AGRN: variants seen among roughly 807,000 people sequenced by gnomAD.
The protein encoded by AGRN is agrin proteoglycan.
A neutral mutation model predicts 211.0 loss-of-function variants in AGRN; 106 were observed. The ratio of observed to expected loss-of-function variants is 0.50; its 90% CI spans 0.43 to 0.59. The LOEUF (loss-of-function observed/expected upper bound fraction) is 0.59, where lower values mean the gene tolerates loss of function less well. Ranked by LOEUF, AGRN falls within the 20% of genes least tolerant of loss-of-function variation. The pLI, the probability that AGRN is intolerant of heterozygous loss-of-function variation, is 0.00. For missense variants in AGRN, 3,040 were observed against 2,982.6 expected, an observed-to-expected ratio of 1.02 and a Z score of -0.45; for synonymous variants, 1,525 against 1,332.5, an observed-to-expected ratio of 1.14 and a Z score of -3.15.
rs1333143280 is a variant in AGRN at position 1,043,668 on chromosome 1, C to T, written c.1734C>T (p.Cys578=). 5.6e-6 allele frequency: 9 copies of T among 1,601,106 alleles called. 1 individual carries two copies. In the Admixed American group the frequency reaches 1.2e-4, roughly 21 times the overall value. Residue 578 remains cysteine (C), a synonymous_variant, in exon 9 of 36, where the codon TGC becomes TGT. Transcript: ENST00000379370. ...GSDGHTYPSE[C]MLHVHACTHQ... is the part of the protein sequence containing the mutation. The stretch of plus-strand genomic sequence containing the variant: ...ACGGGCACACGTACCCCAGCGAGTG[C>T]ATGCTGCACGTGCACGCCTGCACAC...
At chr1:1,051,892 G>A in intron 33 of AGRN, 77 bp downstream of exon 33, 2 of 1,580,698 alleles carry the variant, frequency 1.3e-6, no homozygotes, top group South Asian at 1.1e-5. Context: ...ACACCAGGAG[G>A]GCCCAGGAGG....
At chr1:1,033,471 G>A (rs1014374584) in intron 2 of AGRN, among the ~76,000 whole-genome samples, 1 of 151,096 alleles carries the variant, frequency 6.6e-6, no homozygotes, top group Non-Finnish European at 1.5e-5. Flanking sequence ...CCCAGCTCCT[G>A]CTCCCCAGGC....
intron 2 of AGRN, among the ~76,000 whole-genome samples, chr1:1,024,073 AG>A (rs1258132016): frequency 6.6e-6 from 1 of 152,030 alleles, no homozygotes; most frequent in Non-Finnish European, 1.5e-5. Flanking sequence ...CCAGGGGCCA[AG>A]GGGAGCCTCA....
At position 1,044,176 on chromosome 1, in the gene AGRN, G is replaced by A. The variant is rs139886237; in HGVS notation, c.2067G>A (p.Gln689=). 5,834 of 1,613,266 alleles carry A rather than the reference G, an allele frequency of 3.6e-3. 22 individuals carry two copies. Among genetic ancestry groups the A allele is most frequent in the Middle Eastern group, 4.8e-3 (29 of 6,062 alleles). ...DGDCEQELCR[Q]RGGIWDEDSE... Reference sequence around the variant, plus strand: ...ACTGTGAGCAGGAGCTGTGCCGGCAGCGCGGTGGCATCTGGGACGAGGACT... The same window carrying A: ...ACTGTGAGCAGGAGCTGTGCCGGCAACGCGGTGGCATCTGGGACGAGGACT... The change falls in exon 11 of 36, where the codon CAG becomes CAA. Residue 689 remains glutamine (Q), a synonymous_variant. Coordinates refer to ENST00000379370, the MANE Select transcript of AGRN (RefSeq NM_198576.4).
intron 12 of AGRN, among the ~76,000 whole-genome samples, chr1:1,044,744 T>A (rs189288285): frequency 2.0e-5 from 3 of 152,268 alleles, no homozygotes; most frequent in Admixed American, 1.3e-4. Flanking sequence ...ATGTATCACA[T>A]CAATTAGGTA....
At chr1:1,045,054 C>T (rs1265842705) in intron 12 of AGRN, 107 bp from the exon 13 acceptor site, 104 of 1,258,054 alleles carry the variant, frequency 8.3e-5, no homozygotes, top group Non-Finnish European at 1.2e-4. Context: ...GAGCTGGGAT[C>T]GGGACGGCTG....
At position 1,048,464 on chromosome 1, in the gene AGRN, G is replaced by A. The variant is rs1645166996; in HGVS notation, c.4105+99G>A. ...ACCATCAGGCTTTGAGTTGGGGGCA[G>A]GAGCCCGGATTAAGGCGGGGTTTCG... is the stretch of plus-strand genomic sequence containing the variant. On this transcript the variant is annotated intron_variant, in intron 23 of 35. Coordinates refer to ENST00000379370, the MANE Select transcript of AGRN (RefSeq NM_198576.4). The surrounding 1 kb of genome is among the most constrained non-coding windows in gnomAD (Gnocchi z 5.9). 10 of 1,060,254 alleles carry A rather than the reference G, an allele frequency of 9.4e-6. No individual in the cohort carries two copies. Among genetic ancestry groups the A allele is most frequent in the Non-Finnish European group, 1.2e-5 (9 of 761,986 alleles). 65.7% of individuals were successfully genotyped at this position (1,060,254 alleles called of 1,614,324 possible). A position where few individuals can be genotyped will look rare whatever the true frequency, so the allele number is the denominator to read the frequency against.
chr1:1,048,483 G>A lies in AGRN; in HGVS notation c.4105+118G>A. ...GGGGCAGGAGCCCGGATTAAGGCGG[G>A]GTTTCGGCCAGATGCGGTGGCTCAC... is the stretch of plus-strand genomic sequence containing the variant. On this transcript the variant is annotated intron_variant, in intron 23 of 35. Transcript: ENST00000379370. The surrounding 1 kb of genome is among the most constrained non-coding windows in gnomAD (Gnocchi z 5.9). The A allele has an allele frequency of 1.1e-6, 1 of 935,436 alleles. No homozygotes were observed. The highest frequency in any genetic ancestry group is 1.5e-6 in the Non-Finnish European group (1 of 651,096). The allele number at this position is 935,436 out of a possible 1,614,324, so 57.9% of individuals were successfully genotyped here. A position where few individuals can be genotyped will look rare whatever the true frequency, so the allele number is the denominator to read the frequency against.
At position 1,049,021 on chromosome 1, in the gene AGRN, C is replaced by T. The variant is rs985182576; in HGVS notation, c.4260C>T (p.Phe1420=). The T allele has an allele frequency of 2.5e-6, 4 of 1,576,734 alleles. No homozygotes were observed. Among genetic ancestry groups the T allele is most frequent in the Non-Finnish European group, 3.4e-6 (4 of 1,164,070 alleles). ...ATGGCAACGCCCGGGGCAAGGACTTCCTGGCATTGGCGCTGCTAGATGGCC... is the reference window on the plus strand; with the variant it reads ...ATGGCAACGCCCGGGGCAAGGACTTTCTGGCATTGGCGCTGCTAGATGGCC... The part of the protein sequence containing the change: ...LYNGNARGKD[F]LALALLDGRV... Residue 1420 remains phenylalanine (F), a synonymous_variant, in exon 24 of 36, where the codon TTC becomes TTT. Coordinates refer to ENST00000379370, the MANE Select transcript of AGRN (RefSeq NM_198576.4).
chr1:1,047,074 C>T (rs188514244), intron 19 of AGRN, 117 bp downstream of exon 19: 166 of 1,489,464 alleles, frequency 1.1e-4, no homozygotes, highest in Middle Eastern at 2.4e-4. Flanking sequence ...ACTCGGCCCC[C>T]TCAAACATGT....
rs899752820 is a variant in AGRN at position 1,031,514 on chromosome 1, A to G, written c.464-3763A>G. ...CTGGGCCTCTGTGGGGGGCTCAGAC[A>G]CTGACTGGGGCTGGGTGGGGCCAGG... On this transcript the variant is annotated intron_variant, in intron 2 of 35. Coordinates refer to ENST00000379370, the MANE Select transcript of AGRN (RefSeq NM_198576.4). This position sits in a 1 kb window ranked among gnomAD's most constrained non-coding sequence, Gnocchi z 4.8. Among the ~76,000 whole-genome samples, 1 of 152,082 alleles carries G rather than the reference A, an allele frequency of 6.6e-6. No individual in the cohort carries two copies. Among genetic ancestry groups the G allele is most frequent in the Non-Finnish European group, 1.5e-5 (1 of 67,960 alleles).
Position 1,041,528 on chromosome 1 carries a change from C to A in AGRN, c.1003C>A (p.Pro335Thr). 1.2e-6 allele frequency: 2 copies of A among 1,603,688 alleles called. No individual in the cohort carries two copies. The highest frequency in any genetic ancestry group is 2.2e-5 in the South Asian group (2 of 90,876). Residue 335 changes from proline (P) to threonine (T), a missense_variant, in exon 6 of 36, where the codon CCG becomes ACG. Pro to Thr is a conservative substitution (Grantham distance 38). Coordinates refer to ENST00000379370, the MANE Select transcript of AGRN (RefSeq NM_198576.4). ...PDPSRSCRVN[P>T]RTRRPEMLLR... is the part of the protein sequence containing the mutation. Reference sequence around the variant, plus strand: ...CCCGAGCCGCAGCTGCCGTGTGAACCCGCGCACGCGGCGCCCTGAGATGCT... The same window carrying A: ...CCCGAGCCGCAGCTGCCGTGTGAACACGCGCACGCGGCGCCCTGAGATGCT...
At chr1:1,023,052 A>C (rs1644444841) in intron 2 of AGRN, among the ~76,000 whole-genome samples, 1 of 152,202 alleles carries the variant, frequency 6.6e-6, no homozygotes, top group South Asian at 2.1e-4. Context: ...GACAAGTCCC[A>C]GTTGGGGACT....
chr1:1,041,551 G>C lies in AGRN; in HGVS notation c.1026G>C (p.Met342Ile), dbSNP rs751462657. ...ACCCGCGCACGCGGCGCCCTGAGAT[G>C]CTCCTACGGCCCGAGAGCTGCCCTG... ...RVNPRTRRPE[M>I]LLRPESCPAR... Residue 342 changes from methionine to isoleucine, a missense_variant, in exon 6 of 36, where the codon ATG (methionine) becomes ATC (isoleucine). Coordinates refer to ENST00000379370, the MANE Select transcript of AGRN (RefSeq NM_198576.4). 11 of 1,608,136 alleles carry C rather than the reference G, an allele frequency of 6.8e-6. No individual in the cohort carries two copies. The highest frequency in any genetic ancestry group is 6.7e-5 in the East Asian group (3 of 44,822).
rs77046272 is a variant in AGRN at position 1,028,320 on chromosome 1, G to GCCCCCCCC, written c.463+5867_463+5874dup. On this transcript the variant is annotated intron_variant, in intron 2 of 35. Transcript: ENST00000379370. ...GCCGTTCTCTCTCCCGTGGGGAAAC[G>GCCCCCCCC]CCCCCCCCCCCCCCCCGCCCTGCAC... Among the ~76,000 whole-genome samples the GCCCCCCCC allele has an allele frequency of 2.5e-3, 266 of 105,084 alleles. 4 individuals are homozygous for GCCCCCCCC. The highest frequency in any genetic ancestry group is 7.0e-3 in the African/African-American group (171 of 24,556). The allele number at this position is 105,084 out of a possible 152,430, so 68.9% of individuals were successfully genotyped here.
intron 28 of AGRN, 28 bp downstream of exon 28, chr1:1,050,357 G>T (rs1294489760): frequency 1.9e-6 from 3 of 1,612,696 alleles, no homozygotes; most frequent in Middle Eastern, 1.7e-4. Flanking sequence ...AGGGGGAAGG[G>T]CCGGCCCCCA....
At chr1:1,051,130 G>A in intron 30 of AGRN, 123 bp from the exon 31 acceptor site, 2 of 1,489,472 alleles carry the variant, frequency 1.3e-6, no homozygotes, top group South Asian at 2.4e-5. Context: ...TGCCATTTCT[G>A]TGTGATTAAC....
Position 1,041,217 on chromosome 1 carries a change from A to T in AGRN, c.772A>T (p.Thr258Ser). 1 of 1,473,136 alleles carries T rather than the reference A, an allele frequency of 6.8e-7. No individual in the cohort carries two copies. The highest frequency in any genetic ancestry group is 1.3e-5 in the South Asian group (1 of 78,354). 91.3% of individuals were successfully genotyped at this position (1,473,136 alleles called of 1,614,324 possible). A position where few individuals can be genotyped will look rare whatever the true frequency, so the allele number is the denominator to read the frequency against. The part of the protein sequence containing the change: ...CSNVTCSFGS[T>S]CARSADGLTA... ...CAACGTGACCTGCAGCTTCGGCAGC[A>T]CCTGTGCGCGCTCGGCCGACGGGCT... Residue 258 changes from threonine to serine, a missense_variant, in exon 5 of 36, where the codon ACC (threonine) becomes TCC (serine). Around this residue, in one of 3 missense-constraint regions of AGRN, gnomAD observed 1,498 missense variants for 1,457.8 expected, o/e 1.03. Coordinates refer to ENST00000379370, the MANE Select transcript of AGRN (RefSeq NM_198576.4).
At chr1:1,033,751 T>G (rs1644729594) in intron 2 of AGRN, among the ~76,000 whole-genome samples, 1 of 93,442 alleles carries the variant, frequency 1.1e-5, no homozygotes. Context: ...GGCCCCAGCC[T>G]CAGCCACCCC....
Sources: gnomAD v4.1 joint callset for allele counts (sites outside exome capture counted in the v4.1 genomes callset) on GRCh38, gnomAD v4.1.1 for gene constraint, gnomAD v4.1.1 regional missense constraint, Gnocchi (gnomAD v3.1) non-coding constraint, MANE v1.5 for transcripts, NCBI Gene and HGNC (gene_info 2026-07-23, HGNC 2026-07-21) for gene names.